LRP5: variants seen among roughly 807,000 people sequenced by gnomAD.
LRP5 encodes the protein low-density lipoprotein receptor-related protein 5.
Under a neutral mutation model 154.1 loss-of-function variants are expected in LRP5, and 62 were observed. The ratio of observed to expected loss-of-function variants is 0.40; its 90% CI spans 0.33 to 0.50. LRP5 has a LOEUF of 0.50. Among genes scored for constraint, LRP5 ranks in the 20% least tolerant of loss-of-function variants. The pLI is 0.55. For missense variants in LRP5, 1,915 were observed against 2,336.7 expected (o/e 0.82, Z 3.72); for synonymous variants, 966 against 1,011.5 (o/e 0.96, Z 0.85).
rs750533610 is a variant in LRP5 at position 68,423,555 on chromosome 11, G to C, written c.3094G>C (p.Asp1032His). Residue 1032 changes from aspartate to histidine, a missense_variant, in exon 14 of 23, where the codon GAC (aspartate) becomes CAC (histidine). Around this residue, in one of 3 missense-constraint regions of LRP5, gnomAD observed 1,094 missense variants for 1,210.1 expected, o/e 0.90. Transcript: ENST00000294304. This position sits in a 1 kb window ranked among gnomAD's most constrained non-coding sequence, Gnocchi z 4.7. ...PDRQPHDLSI[D>H]IYSRTLFWTC... ...CAGGCAGCCCCACGACCTCAGCATC[G>C]ACATCTACAGCCGGACACTGTTCTG... 1 of 1,614,184 alleles carries C rather than the reference G, an allele frequency of 6.2e-7. No homozygotes were observed. The highest frequency in any genetic ancestry group is 8.5e-7 in the Non-Finnish European group (1 of 1,180,018).
chr11:68,341,211 A>T (rs1451199537), intron 1 of LRP5, among the ~76,000 whole-genome samples: 1 of 151,866 alleles, frequency 6.6e-6, no homozygotes, highest in African/African-American at 2.4e-5. Context: ...ATGATGCGGC[A>T]GTCACCACCG....
At chr11:68,437,995 T>C (rs1211323939) in intron 19 of LRP5, among the ~76,000 whole-genome samples, 1 of 152,204 alleles carries the variant, frequency 6.6e-6, no homozygotes, top group African/African-American at 2.4e-5. Context: ...AACTTCCCTA[T>C]GGGCAGCCTT....
intron 1 of LRP5, among the ~76,000 whole-genome samples, chr11:68,314,358 CA>C (rs2098591355): frequency 6.6e-6 from 1 of 152,006 alleles, no homozygotes; most frequent in African/African-American, 2.4e-5. Context: ...GTGTGTGAGG[CA>C]AAAATAGAGT....
intron 22 of LRP5, chr11:68,446,917 G>C (rs566851135): frequency 8.5e-6 from 3 of 353,414 alleles, no homozygotes; most frequent in South Asian, 4.4e-5. Context: ...TGGTGGCTCT[G>C]TCCTCTTAGG....
intron 17 of LRP5, among the ~76,000 whole-genome samples, chr11:68,432,975 C>T (rs866391566): frequency 3.3e-5 from 5 of 152,226 alleles, no homozygotes; most frequent in African/African-American, 4.8e-5. Flanking sequence ...GCGCCCTCCC[C>T]GGGGGTGTCC....
At chr11:68,399,148 A>T (rs572611421) in intron 7 of LRP5, among the ~76,000 whole-genome samples, 161 of 152,120 alleles carry the variant, frequency 1.1e-3, no homozygotes, top group Middle Eastern at 0.01. Context: ...CAGGAGGTGA[A>T]CTATGATCAT....
chr11:68,395,498 G>A (rs559635517), intron 7 of LRP5, among the ~76,000 whole-genome samples: 1 of 152,154 alleles, frequency 6.6e-6, no homozygotes, highest in East Asian at 1.9e-4. Flanking sequence ...CGCAGGGCAC[G>A]GGTGTCTTTG....
the LRP5 span, among the ~76,000 whole-genome samples, chr11:68,298,929 G>A: frequency 1.3e-5 from 2 of 152,206 alleles, no homozygotes; most frequent in South Asian, 2.1e-4. Context: ...CTGCAGGAAG[G>A]GCGGGGTGAG....
chr11:68,305,389 C>T, the LRP5 span, among the ~76,000 whole-genome samples: 100 of 152,040 alleles, frequency 6.6e-4, no homozygotes, highest in Middle Eastern at 0.017. Context: ...GCCTGCAGAA[C>T]CGGGAGCCAG....
intron 22 of LRP5, 114 bp from the exon 23 acceptor site, chr11:68,448,695 T>G: frequency 7.4e-7 from 1 of 1,349,848 alleles, no homozygotes; most frequent in Non-Finnish European, 1.0e-6. Flanking sequence ...CCGGCCTGCA[T>G]CTTCTGGAGC....
chr11:68,368,883 C>G (rs1356410784), intron 5 of LRP5, among the ~76,000 whole-genome samples: 6 of 141,298 alleles, frequency 4.2e-5, no homozygotes, highest in Admixed American at 3.7e-4. Flanking sequence ...GAGTCTTGCT[C>G]TGTTGTCCAG....
rs564457661 is a variant in LRP5, at chr11:68,398,840, T to A, written c.1585-4643T>A. On this transcript the variant is annotated intron_variant, in intron 7 of 22. Coordinates refer to ENST00000294304, the MANE Select transcript of LRP5 (RefSeq NM_002335.4). Reference sequence around the variant, plus strand: ...CCCTTGACCTCCCAGGCTCAAGCGATCCTCCTGTCTCAGCCTCCTGAGTAG... The same window carrying A: ...CCCTTGACCTCCCAGGCTCAAGCGAACCTCCTGTCTCAGCCTCCTGAGTAG... Among the ~76,000 whole-genome samples, 13 of 152,154 alleles carry A rather than the reference T, an allele frequency of 8.5e-5. No homozygotes were observed. In the South Asian group the frequency reaches 2.5e-3, roughly 29 times the overall value.
intron 2 of LRP5, among the ~76,000 whole-genome samples, chr11:68,356,803 T>A (rs1483885014): frequency 6.6e-6 from 1 of 152,230 alleles, no homozygotes; most frequent in Non-Finnish European, 1.5e-5. Flanking sequence ...CCACTGATGC[T>A]TTACTGTCTC....
chr11:68,392,522 A>T (rs749160965), intron 7 of LRP5, among the ~76,000 whole-genome samples: 9 of 152,110 alleles, frequency 5.9e-5, no homozygotes, highest in African/African-American at 1.4e-4. Flanking sequence ...AATAAATAAA[A>T]AAAATTTTAA....
At chr11:68,420,718 AATC>A (rs2098665082) in intron 13 of LRP5, among the ~76,000 whole-genome samples, 1 of 151,978 alleles carries the variant, frequency 6.6e-6, no homozygotes, top group African/African-American at 2.4e-5. Context: ...AAAAAAAAAA[AATC>A]ATCGGATGGA....
At chr11:68,398,082 G>C (rs2098650548) in intron 7 of LRP5, among the ~76,000 whole-genome samples, 1 of 151,936 alleles carries the variant, frequency 6.6e-6, no homozygotes, top group Admixed American at 6.6e-5. Context: ...GTTTCCTTTT[G>C]GGTTTTGTGT....
At position 68,312,746 on chromosome 11, in the gene LRP5, CGCTGCTGCTGCT is replaced by C. The variant is rs72555376; in HGVS notation, c.49_60del (p.Leu17_Leu20del). ...GCAGCGCCGCCCGGGCCGCCGTGGC[CGCTGCTGCTGCT>C]GCTGCTGCTGCTGCTGGCGCTGTGC... On this transcript the variant is annotated inframe_deletion, in exon 1 of 23. Coordinates refer to ENST00000294304, the MANE Select transcript of LRP5 (RefSeq NM_002335.4). 8.3e-5 allele frequency: 88 copies of C among 1,061,286 alleles called. No individual in the cohort carries two copies. The highest frequency in any genetic ancestry group is 6.6e-4 in the South Asian group (22 of 33,562). The allele number at this position is 1,061,286 out of a possible 1,614,324, so 65.7% of individuals were successfully genotyped here.
rs1458404642 is a variant in LRP5, at chr11:68,365,675, C to G, written c.988C>G (p.Gln330Glu). 2 of 1,585,992 alleles carry G rather than the reference C, an allele frequency of 1.3e-6. No individual in the cohort carries two copies. Among genetic ancestry groups the G allele is most frequent in the Non-Finnish European group, 1.7e-6 (2 of 1,167,884 alleles). Residue 330 changes from glutamine (Q) to glutamate (E), a missense_variant, in exon 5 of 23, where the codon CAG becomes GAG. By Grantham distance (29) the Gln-to-Glu change is conservative. Coordinates refer to ENST00000294304, the MANE Select transcript of LRP5 (RefSeq NM_002335.4). Reference protein sequence around the residue: ...TCACPTGVQLQDNGRTCKAGA... With the variant: ...TCACPTGVQLEDNGRTCKAGA... The stretch of plus-strand genomic sequence containing the variant: ...CGCCTGCCCCACGGGTGTGCAGCTG[C>G]AGGACAACGGCAGGACGTGTAAGGC...
intron 3 of LRP5, among the ~76,000 whole-genome samples, chr11:68,361,677 C>T (rs1359130625): frequency 2.6e-5 from 4 of 151,766 alleles, no homozygotes; most frequent in Non-Finnish European, 5.9e-5. Flanking sequence ...AGAAAATTAG[C>T]TGGCCATGGT....
Sources: allele counts gnomAD v4.1 joint callset (sites outside exome capture counted in the v4.1 genomes callset), GRCh38; gene constraint gnomAD v4.1.1; regional missense constraint gnomAD v4.1.1; non-coding constraint Gnocchi (gnomAD v3.1); transcripts MANE v1.5; gene names NCBI Gene and HGNC (gene_info 2026-07-23, HGNC 2026-07-21).